The following NEGR1 variants were observed in gnomAD, a reference collection of about 807,000 sequenced individuals.
NEGR1 encodes IgLON family member 4.
NEGR1 carries 10 observed loss-of-function variants against 40.9 expected under a neutral mutation model. The observed-to-expected ratio is 0.24, with a 90% CI of 0.15 to 0.42. The LOEUF is 0.42. Ranked by LOEUF, NEGR1 falls within the 10% of genes least tolerant of loss-of-function variation. The pLI is 1.00. For synonymous variants in NEGR1, 185 were observed against 166.8 expected (o/e 1.11, Z -0.84); for missense variants, 352 against 438.9 (o/e 0.80, Z 1.77).
intron 1 of NEGR1, among the ~76,000 whole-genome samples, chr1:72,195,119 C>T (rs1341762262): frequency 2.6e-5 from 4 of 152,006 alleles, no homozygotes; most frequent in African/African-American, 9.7e-5. Context: ...ATTCAATATC[C>T]ATGCTTAGCC....
chr1:72,164,927 T>G (rs2100382450), intron 1 of NEGR1, among the ~76,000 whole-genome samples: 1 of 152,244 alleles, frequency 6.6e-6, no homozygotes, highest in Admixed American at 6.5e-5. Context: ...ATCAAATGTT[T>G]GCTTTCAAGT....
chr1:72,090,423 T>A (rs963682411), intron 1 of NEGR1, among the ~76,000 whole-genome samples: 13 of 151,610 alleles, frequency 8.6e-5, no homozygotes, highest in Non-Finnish European at 1.9e-4. Context: ...TAGCGAAGAT[T>A]TCTTTTGTAA....
intron 6 of NEGR1, among the ~76,000 whole-genome samples, chr1:71,420,975 A>C (rs895986812): frequency 6.6e-6 from 1 of 152,078 alleles, no homozygotes; most frequent in African/African-American, 2.4e-5. Flanking sequence ...ACTTGCTGAA[A>C]GTAATATAAT....
intron 6 of NEGR1, among the ~76,000 whole-genome samples, chr1:71,470,271 T>C (rs1646773494): frequency 6.6e-6 from 1 of 152,122 alleles, no homozygotes; most frequent in African/African-American, 2.4e-5. Context: ...GCATGTTTAT[T>C]ACAGATACTG....
chr1:71,588,629 T>C (rs746777343), intron 6 of NEGR1, among the ~76,000 whole-genome samples: 59 of 152,280 alleles, frequency 3.9e-4, no homozygotes, highest in Non-Finnish European at 6.2e-4. Flanking sequence ...CTAAAACCTC[T>C]ACTTAAAATT....
At chr1:71,987,333 A>AC in intron 1 of NEGR1, among the ~76,000 whole-genome samples, 2 of 152,312 alleles carry the variant, frequency 1.3e-5, no homozygotes, top group East Asian at 3.9e-4. Flanking sequence ...TCTGACACAC[A>AC]AAAAAGAGAT....
intron 1 of NEGR1, among the ~76,000 whole-genome samples, chr1:72,227,210 G>A (rs1337625809): frequency 6.6e-6 from 1 of 152,018 alleles, no homozygotes; most frequent in African/African-American, 2.4e-5. Flanking sequence ...TCTACCTCAT[G>A]GGAAAGTCAT....
chr1:72,095,736 A>G (rs920370688), intron 1 of NEGR1, among the ~76,000 whole-genome samples: 1 of 152,136 alleles, frequency 6.6e-6, no homozygotes, highest in African/African-American at 2.4e-5. Flanking sequence ...TATTTGATAA[A>G]CTAAAATTTT....
intron 1 of NEGR1, among the ~76,000 whole-genome samples, chr1:72,037,398 C>T (rs1241687434): frequency 6.6e-6 from 1 of 152,038 alleles, no homozygotes; most frequent in African/African-American, 2.4e-5. Context: ...ATTGTTATTC[C>T]TACTTCACAA....
intron 6 of NEGR1, among the ~76,000 whole-genome samples, chr1:71,531,665 T>C (rs1484231902): frequency 6.6e-6 from 1 of 151,392 alleles, no homozygotes; most frequent in Non-Finnish European, 1.5e-5. Flanking sequence ...GGGAAACTGT[T>C]ATTAATCACA....
intron 2 of NEGR1, among the ~76,000 whole-genome samples, chr1:71,813,215 C>A (rs908317781): frequency 6.6e-6 from 1 of 152,010 alleles, no homozygotes; most frequent in African/African-American, 2.4e-5. Flanking sequence ...TTGTTTTTGT[C>A]AGGTTTGTTG....
At chr1:72,054,783 T>A (rs1251771558) in intron 1 of NEGR1, among the ~76,000 whole-genome samples, 1 of 151,168 alleles carries the variant, frequency 6.6e-6, no homozygotes, top group African/African-American at 2.4e-5. Context: ...TATTCATATA[T>A]CCACATATAT....
intron 3 of NEGR1, among the ~76,000 whole-genome samples, chr1:71,708,045 C>T (rs1281774160): frequency 6.6e-6 from 1 of 151,622 alleles, no homozygotes; most frequent in African/African-American, 2.4e-5. Flanking sequence ...ACAAATAAGC[C>T]CAGACAATGA....
At chr1:71,685,439 T>C (rs182897379) in intron 4 of NEGR1, among the ~76,000 whole-genome samples, 242 of 151,936 alleles carry the variant, frequency 1.6e-3, no homozygotes, top group African/African-American at 5.6e-3. Context: ...TCGCCTGCCT[T>C]AGCCGTCCCA....
intron 1 of NEGR1, among the ~76,000 whole-genome samples, chr1:72,182,187 T>A (rs1652401836): frequency 6.6e-6 from 1 of 152,166 alleles, no homozygotes; most frequent in Non-Finnish European, 1.5e-5. Context: ...ATATACACAA[T>A]TTGTCTTTTT....
chr1:72,092,668 T>TG (rs1472956165), intron 1 of NEGR1, among the ~76,000 whole-genome samples: 1 of 152,114 alleles, frequency 6.6e-6, no homozygotes, highest in East Asian at 1.9e-4. Flanking sequence ...CTTTTTCTTT[T>TG]GAGGCAGGGT....
At chr1:72,143,930 T>TATATATATAAAAA (rs1553145055) in intron 1 of NEGR1, among the ~76,000 whole-genome samples, 6 of 140,502 alleles carry the variant, frequency 4.3e-5, no homozygotes, top group South Asian at 4.3e-4. Context: ...TATATATATA[T>TATATATATAAAAA]ATATATATAT....
intron 1 of NEGR1, among the ~76,000 whole-genome samples, chr1:71,996,771 G>A (rs577512042): frequency 6.6e-6 from 1 of 152,146 alleles, no homozygotes; most frequent in East Asian, 1.9e-4. Context: ...CTTTGCTTTC[G>A]AGAACTTTCT....
Position 71,928,065 on chromosome 1 carries a change from C to CATATGTATAT in NEGR1, c.409+7013_409+7014insATATACATAT, listed in dbSNP as rs1557438156. On this transcript the variant is annotated intron_variant, in intron 2 of 6. Coordinates refer to ENST00000357731, the MANE Select transcript of NEGR1 (RefSeq NM_173808.3). ...ACACACACACGTATATATATACACA[C>CATATGTATAT]ACACATATGTACATATATGTATATA... Among the ~76,000 whole-genome samples, 3 of 38,422 alleles carry CATATGTATAT rather than the reference C, an allele frequency of 7.8e-5. 1 individual carries two copies. Among genetic ancestry groups the CATATGTATAT allele is most frequent in the Non-Finnish European group, 1.1e-4 (2 of 18,668 alleles). 25.2% of individuals were successfully genotyped at this position (38,422 alleles called of 152,430 possible). A position where few individuals can be genotyped will look rare whatever the true frequency, so the allele number is the denominator to read the frequency against.
Sources: gnomAD v4.1 joint callset for allele counts (sites outside exome capture counted in the v4.1 genomes callset) on GRCh38, gnomAD v4.1.1 for gene constraint, MANE v1.5 for transcripts, NCBI Gene and HGNC (gene_info 2026-07-23, HGNC 2026-07-21) for gene names.